Variants in FAM53B observed in about 807,000 individuals in gnomAD.
The protein encoded by FAM53B is family with sequence similarity 53 member B.
In FAM53B, 12 loss-of-function variants were observed where a neutral mutation model predicts 32.7. The ratio of observed to expected loss-of-function variants is 0.37; its 90% confidence interval spans 0.24 to 0.59. The LOEUF (loss-of-function observed/expected upper bound fraction) is 0.59. Among genes scored for constraint, FAM53B ranks in the 20% least tolerant of loss-of-function variants. FAM53B has a pLI of 0.72. For synonymous variants in FAM53B, 234 were observed against 228.7 expected (o/e 1.02, Z -0.21); for missense variants, 477 against 577.7 (o/e 0.83, Z 1.79).
At chr10:124,707,307 C>T (rs551885481) in intron 1 of FAM53B, among the ~76,000 whole-genome samples, 2 of 152,338 alleles carry the variant, frequency 1.3e-5, no homozygotes, top group South Asian at 2.1e-4. Flanking sequence ...CATGCCTCAG[C>T]CCCGCATCCA....
At chr10:124,694,067 C>G (rs1949852387) in intron 3 of FAM53B, among the ~76,000 whole-genome samples, 1 of 152,212 alleles carries the variant, frequency 6.6e-6, no homozygotes, top group African/African-American at 2.4e-5. Flanking sequence ...GGAGAGAGAG[C>G]AGCAGAGGAG....
chr10:124,727,899 C>T (rs1383603759), intron 1 of FAM53B, among the ~76,000 whole-genome samples: 1 of 152,192 alleles, frequency 6.6e-6, no homozygotes, highest in African/African-American at 2.4e-5. Flanking sequence ...GACTTCTTTG[C>T]ACAATCTCCT....
intron 1 of FAM53B, among the ~76,000 whole-genome samples, chr10:124,730,757 G>A (rs1950137415): frequency 6.6e-6 from 1 of 152,192 alleles, no homozygotes; most frequent in South Asian, 2.1e-4. Flanking sequence ...GTTTCATTTA[G>A]ATTTAATTTA....
intron 1 of FAM53B, among the ~76,000 whole-genome samples, chr10:124,738,563 G>A (rs937661369): frequency 1.3e-5 from 2 of 151,324 alleles, no homozygotes; most frequent in Admixed American, 6.6e-5. Context: ...CAAAACACAC[G>A]CACACTCACA....
chr10:124,742,027 T>C (rs1372831708), intron 1 of FAM53B, among the ~76,000 whole-genome samples: 5 of 152,128 alleles, frequency 3.3e-5, no homozygotes, highest in Admixed American at 6.5e-5. Context: ...CAGAAGAAAA[T>C]AGGAAGTCGT....
At chr10:124,635,124 GCT>G (rs1441216877) in intron 4 of FAM53B, among the ~76,000 whole-genome samples, 2 of 151,998 alleles carry the variant, frequency 1.3e-5, no homozygotes, top group Admixed American at 1.3e-4. Context: ...ACAGAGTCTT[GCT>G]CTGTCACCCA....
chr10:124,642,993 G>A (rs750848309), intron 4 of FAM53B, among the ~76,000 whole-genome samples: 2 of 152,210 alleles, frequency 1.3e-5, no homozygotes, highest in African/African-American at 2.4e-5. Context: ...TGACGGTATC[G>A]TGGGACCTGT....
chr10:124,683,563 CT>C (rs1055131490), intron 3 of FAM53B, among the ~76,000 whole-genome samples: 9 of 152,146 alleles, frequency 5.9e-5, no homozygotes, highest in African/African-American at 2.2e-4. Flanking sequence ...ACACAGCCCC[CT>C]GAGTGCATGT....
At chr10:124,665,239 T>C (rs1949661831) in intron 4 of FAM53B, among the ~76,000 whole-genome samples, 1 of 152,190 alleles carries the variant, frequency 6.6e-6, no homozygotes, top group South Asian at 2.1e-4. Flanking sequence ...TGCCCCAAAC[T>C]TGTCTATCAC....
At chr10:124,732,285 A>G (rs1564890602) in intron 1 of FAM53B, among the ~76,000 whole-genome samples, 2 of 152,286 alleles carry the variant, frequency 1.3e-5, no homozygotes, top group East Asian at 1.9e-4. Flanking sequence ...GCTGCCTCCC[A>G]TAAGGGATTC....
In FAM53B at chr10:124,706,831, G is replaced by A. The variant is rs1589757862; in HGVS notation, c.-118C>T. The A allele has an allele frequency of 6.4e-7, 1 of 1,556,376 alleles. No individual in the cohort carries two copies. Among genetic ancestry groups the A allele is most frequent in the East Asian group, 2.3e-5 (1 of 42,746 alleles). ...ATGTCAGCAGAAACAGCTCCCCATT[G>A]GCCACTCACCCTTGGGGTGGGGCCC... On this transcript the variant is annotated 5_prime_UTR_variant, in exon 2 of 5. Transcript: ENST00000337318.
At chr10:124,711,188 C>G (rs980250577) in intron 1 of FAM53B, among the ~76,000 whole-genome samples, 1 of 152,170 alleles carries the variant, frequency 6.6e-6, no homozygotes, top group African/African-American at 2.4e-5. Flanking sequence ...CCTCCAGAGA[C>G]TCATGCAGAG....
At chr10:124,680,851 A>T (rs1413329893) in intron 4 of FAM53B, among the ~76,000 whole-genome samples, 1 of 152,228 alleles carries the variant, frequency 6.6e-6, no homozygotes, top group Non-Finnish European at 1.5e-5. Context: ...CACAAGGGCC[A>T]GCACCACTTC....
At chr10:124,668,278 C>T (rs1294233510) in intron 4 of FAM53B, among the ~76,000 whole-genome samples, 1 of 152,250 alleles carries the variant, frequency 6.6e-6, no homozygotes, top group Non-Finnish European at 1.5e-5. Context: ...CCATCTCGCC[C>T]CTTGGCCTAA....
intron 4 of FAM53B, among the ~76,000 whole-genome samples, chr10:124,647,964 G>T (rs554861624): frequency 2.0e-5 from 3 of 152,308 alleles, no homozygotes; most frequent in Non-Finnish European, 4.4e-5. Context: ...GCCAGGGATG[G>T]GAAAGGAAGT....
chr10:124,695,892 C>T (rs192633800), intron 3 of FAM53B, among the ~76,000 whole-genome samples: 15 of 152,324 alleles, frequency 9.8e-5, no homozygotes, highest in Admixed American at 3.3e-4. Flanking sequence ...CACTATTGTG[C>T]ATTTTCTGAA....
intron 4 of FAM53B, among the ~76,000 whole-genome samples, chr10:124,674,279 C>G (rs1949724517): frequency 6.6e-6 from 1 of 152,208 alleles, no homozygotes; most frequent in Non-Finnish European, 1.5e-5. Context: ...GCAGGCCCCT[C>G]CTTTTGCCAA....
chr10:124,724,101 C>T (rs1431988761), intron 1 of FAM53B, among the ~76,000 whole-genome samples: 4 of 152,066 alleles, frequency 2.6e-5, no homozygotes, highest in Non-Finnish European at 5.9e-5. Context: ...GTGTGTCATA[C>T]GATAATAAAT....
intron 4 of FAM53B, among the ~76,000 whole-genome samples, chr10:124,637,224 G>A (rs1160790638): frequency 6.6e-6 from 1 of 152,160 alleles, no homozygotes; most frequent in African/African-American, 2.4e-5. Flanking sequence ...ACCCTTGCTG[G>A]TGCTGGGCCT....
Sources: gnomAD v4.1 joint callset for allele counts (sites outside exome capture counted in the v4.1 genomes callset) on GRCh38, gnomAD v4.1.1 for gene constraint, MANE v1.5 for transcripts, NCBI Gene and HGNC (gene_info 2026-07-23, HGNC 2026-07-21) for gene names.